HIVEP1: variants seen among roughly 807,000 people sequenced by gnomAD.
The protein encoded by HIVEP1 is HIVEP zinc finger 1.
In HIVEP1, 36 loss-of-function variants were observed where a neutral mutation model predicts 180.0. That is an observed-to-expected ratio of 0.20 (90% CI 0.15 to 0.26). The LOEUF (loss-of-function observed/expected upper bound fraction) is 0.26, where lower values mean the gene tolerates loss of function less well. HIVEP1 is among the 10% of genes least tolerant of loss of function. HIVEP1 has a pLI of 1.00. For missense variants in HIVEP1, 3,143 were observed against 3,268.7 expected, an observed-to-expected ratio of 0.96 and a Z score of 0.94; for synonymous variants, 1,239 against 1,239.0, an observed-to-expected ratio of 1.00 and a Z score of 0.00.
intron 3 of HIVEP1, among the ~76,000 whole-genome samples, chr6:12,107,829 C>T (rs1283575605): frequency 6.6e-6 from 1 of 152,222 alleles, no homozygotes; most frequent in Non-Finnish European, 1.5e-5. Context: ...GCCCCACCCA[C>T]ATCCTGCTGA....
intron 2 of HIVEP1, among the ~76,000 whole-genome samples, chr6:12,055,959 A>G (rs1770840209): frequency 6.6e-6 from 1 of 152,228 alleles, no homozygotes; most frequent in South Asian, 2.1e-4. Flanking sequence ...ATATTCGTGC[A>G]AAAGATGAGC....
At chr6:12,112,025 T>C (rs920982309) in intron 3 of HIVEP1, among the ~76,000 whole-genome samples, 16 of 152,248 alleles carry the variant, frequency 1.1e-4, no homozygotes, top group African/African-American at 3.6e-4. Flanking sequence ...TATTGTCATT[T>C]TCAGAGCTCT....
chr6:12,093,565 A>C (rs919143443), intron 3 of HIVEP1, among the ~76,000 whole-genome samples: 7 of 151,740 alleles, frequency 4.6e-5, no homozygotes, highest in African/African-American at 1.7e-4. Flanking sequence ...CTAGTTTTTT[A>C]ATGTAGTGTA....
chr6:12,052,182 A>G (rs1465090324), intron 2 of HIVEP1, among the ~76,000 whole-genome samples: 1 of 152,222 alleles, frequency 6.6e-6, no homozygotes, highest in Non-Finnish European at 1.5e-5. Flanking sequence ...ACCACGGCAT[A>G]TGTATACAGG....
chr6:12,095,196 T>C (rs187482916), intron 3 of HIVEP1, among the ~76,000 whole-genome samples: 1 of 152,024 alleles, frequency 6.6e-6, no homozygotes, highest in African/African-American at 2.4e-5. Flanking sequence ...CTTTTTATTT[T>C]GCCAACATCT....
chr6:12,101,073 G>C (rs1428386208), intron 3 of HIVEP1, among the ~76,000 whole-genome samples: 3 of 152,136 alleles, frequency 2.0e-5, no homozygotes, highest in Non-Finnish European at 4.4e-5. Context: ...TACAACATTA[G>C]AGCAAGTTAT....
chr6:12,185,737 T>C, the HIVEP1 span, among the ~76,000 whole-genome samples: 3 of 152,332 alleles, frequency 2.0e-5, no homozygotes, highest in South Asian at 4.1e-4. Flanking sequence ...GAAACACCAG[T>C]GGCCTATGTA....
the HIVEP1 span, among the ~76,000 whole-genome samples, chr6:12,193,222 G>T: frequency 1.3e-5 from 2 of 152,096 alleles, no homozygotes; most frequent in African/African-American, 4.8e-5. Context: ...TCAATATGCT[G>T]CCTAATGAAC....
At chr6:12,043,637 G>A (rs1769926131) in intron 2 of HIVEP1, among the ~76,000 whole-genome samples, 1 of 152,148 alleles carries the variant, frequency 6.6e-6, no homozygotes, top group Non-Finnish European at 1.5e-5. Context: ...AAAGTGCTGG[G>A]ATTACAGGCG....
At chr6:12,066,866 C>CTGTGTG (rs10650946) in intron 2 of HIVEP1, among the ~76,000 whole-genome samples, 306 of 148,712 alleles carry the variant, frequency 2.1e-3, no homozygotes, top group Non-Finnish European at 2.4e-3. Context: ...AACAAAGACA[C>CTGTGTG]TGTGTGTGTG....
intron 2 of HIVEP1, chr6:12,037,587 A>T (rs1416273964): frequency 7.9e-6 from 3 of 379,842 alleles, no homozygotes; most frequent in Non-Finnish European, 1.4e-5. Flanking sequence ...GTTGCACTGG[A>T]TATTATGGAA....
chr6:12,162,391 A>G (rs1362669639), intron 8 of HIVEP1, among the ~76,000 whole-genome samples: 3 of 152,182 alleles, frequency 2.0e-5, no homozygotes, highest in African/African-American at 7.2e-5. Context: ...ACCAGTTTCT[A>G]TGGCAAAGTT....
chr6:12,139,278 G>T (rs1758871153), intron 7 of HIVEP1, among the ~76,000 whole-genome samples: 1 of 152,024 alleles, frequency 6.6e-6, no homozygotes, highest in South Asian at 2.1e-4. Context: ...CGGGTCTCCT[G>T]CCTCTTTCTT....
chr6:12,069,994 C>G (rs531876005), intron 2 of HIVEP1, among the ~76,000 whole-genome samples: 29 of 152,108 alleles, frequency 1.9e-4, no homozygotes, highest in Non-Finnish European at 4.0e-4. Context: ...TAGCCCTGCA[C>G]AGACTCAGGC....
intron 3 of HIVEP1, among the ~76,000 whole-genome samples, chr6:12,116,134 G>C (rs1775202119): frequency 6.6e-6 from 1 of 151,978 alleles, no homozygotes; most frequent in Admixed American, 6.6e-5. Flanking sequence ...CACAAGGTTT[G>C]ATGATTGTGC....
chr6:12,047,332 G>T (rs1212273301), intron 2 of HIVEP1, among the ~76,000 whole-genome samples: 2 of 152,222 alleles, frequency 1.3e-5, no homozygotes, highest in Non-Finnish European at 2.9e-5. Context: ...AGCATTAAAA[G>T]ACCATGCAGT....
chr6:12,193,705 C>T, the HIVEP1 span, among the ~76,000 whole-genome samples: 6 of 152,104 alleles, frequency 3.9e-5, no homozygotes, highest in Non-Finnish European at 7.4e-5. Context: ...AGATGAAAAG[C>T]AATGGAAAGC....
At chr6:12,109,703 G>C (rs1447388489) in intron 3 of HIVEP1, among the ~76,000 whole-genome samples, 2 of 152,130 alleles carry the variant, frequency 1.3e-5, no homozygotes, top group Non-Finnish European at 2.9e-5. Context: ...ATCCCTCAAA[G>C]TCATCCTTGA....
At chr6:12,068,798 G>A (rs1459663545) in intron 2 of HIVEP1, among the ~76,000 whole-genome samples, 1 of 152,064 alleles carries the variant, frequency 6.6e-6, no homozygotes, top group Non-Finnish European at 1.5e-5. Flanking sequence ...ACATACCTGT[G>A]TATTTAAATG....
Sources: allele counts gnomAD v4.1 joint callset (sites outside exome capture counted in the v4.1 genomes callset), GRCh38; gene constraint gnomAD v4.1.1; transcripts MANE v1.5; gene names NCBI Gene and HGNC (gene_info 2026-07-23, HGNC 2026-07-21).